ARL15: variants seen among roughly 807,000 people sequenced by gnomAD.
ARL15 encodes the protein ARF like GTPase 15.
ARL15 carries 19 observed loss-of-function variants against 25.2 expected under a neutral mutation model. That is an observed-to-expected ratio of 0.75 (90% confidence interval 0.53 to 1.10). The LOEUF (loss-of-function observed/expected upper bound fraction) is 1.10. Ranked by LOEUF, ARL15 falls within the 50% of genes least tolerant of loss-of-function variation. ARL15 has a pLI of 0.00. For synonymous variants in ARL15, 94 were observed against 86.8 expected, an observed-to-expected ratio of 1.08 and a Z score of -0.46; for missense variants, 220 against 246.0, an observed-to-expected ratio of 0.89 and a Z score of 0.71.
intron 4 of ARL15, among the ~76,000 whole-genome samples, chr5:54,058,639 T>C (rs1750963878): frequency 6.6e-6 from 1 of 152,196 alleles, no homozygotes; most frequent in Non-Finnish European, 1.5e-5. Context: ...AAGGTAAGAT[T>C]ACCCGTGTCA....
At chr5:54,026,133 T>C (rs536907811) in intron 4 of ARL15, among the ~76,000 whole-genome samples, 2 of 152,356 alleles carry the variant, frequency 1.3e-5, no homozygotes, top group Admixed American at 6.5e-5. Flanking sequence ...TTAGACTGAC[T>C]AGCTTGTTTC....
At chr5:54,114,025 A>T (rs1416809685) in intron 3 of ARL15, among the ~76,000 whole-genome samples, 1 of 152,200 alleles carries the variant, frequency 6.6e-6, no homozygotes, top group African/African-American at 2.4e-5. Flanking sequence ...CATGAGGAAA[A>T]ATAACAGACA....
At chr5:54,194,904 T>C (rs1755507720) in intron 1 of ARL15, among the ~76,000 whole-genome samples, 1 of 152,168 alleles carries the variant, frequency 6.6e-6, no homozygotes, top group Non-Finnish European at 1.5e-5. Flanking sequence ...GGACTTCTAG[T>C]CATGCTCCTT....
At position 54,248,792 on chromosome 5, in the gene ARL15, T is replaced by C. The variant is rs1307822552; in HGVS notation, c.48+61640A>G. On this transcript the variant is annotated intron_variant, in intron 1 of 4. Transcript: ENST00000504924. ...GTGCCTGGTGCTAGCTGTGTATATG[T>C]TGAACTAATGAGTATTCAAAGGAAG... Among the ~76,000 whole-genome samples, 3 of 152,304 alleles carry C rather than the reference T, an allele frequency of 2.0e-5. No homozygotes were observed. The East Asian group carries it at 5.8e-4, about 29-fold the overall frequency.
At chr5:54,128,993 G>A (rs191235355) in intron 3 of ARL15, among the ~76,000 whole-genome samples, 21 of 152,088 alleles carry the variant, frequency 1.4e-4, no homozygotes, top group East Asian at 1.4e-3. Context: ...CATGGGCCAC[G>A]GCGCCTGGCC....
At chr5:54,002,620 C>T (rs546434212) in intron 4 of ARL15, among the ~76,000 whole-genome samples, 11 of 152,134 alleles carry the variant, frequency 7.2e-5, no homozygotes, top group East Asian at 1.9e-4. Context: ...GGATTTGGAA[C>T]AAATTTTGGA....
At chr5:53,915,549 A>G (rs1745613098) in intron 4 of ARL15, among the ~76,000 whole-genome samples, 1 of 152,214 alleles carries the variant, frequency 6.6e-6, no homozygotes, top group Admixed American at 6.5e-5. Context: ...CAAGTCTAGC[A>G]TTGAACAGTT....
intron 3 of ARL15, among the ~76,000 whole-genome samples, chr5:54,142,221 C>G (rs780598124): frequency 6.6e-6 from 1 of 152,176 alleles, no homozygotes; most frequent in African/African-American, 2.4e-5. Flanking sequence ...ATTCCAGATC[C>G]TATCTTCTGT....
At chr5:54,113,444 A>G (rs769240043) in intron 3 of ARL15, 34 bp from the exon 4 acceptor site, 11 of 1,595,882 alleles carry the variant, frequency 6.9e-6, no homozygotes, top group African/African-American at 6.8e-5. Context: ...CGTTTTAAAA[A>G]GAGCTTTCAG....
At chr5:54,231,399 A>G (rs1389379030) in intron 1 of ARL15, among the ~76,000 whole-genome samples, 4 of 152,032 alleles carry the variant, frequency 2.6e-5, no homozygotes, top group African/African-American at 9.7e-5. Flanking sequence ...TGTCTCTCTC[A>G]TAACACTCTT....
chr5:54,181,203 T>G (rs947155610), intron 1 of ARL15, among the ~76,000 whole-genome samples: 15 of 152,152 alleles, frequency 9.9e-5, no homozygotes, highest in African/African-American at 3.4e-4. Flanking sequence ...GAAAGAAAAC[T>G]AAGTAAAAAA....
rs150066602 is a variant in ARL15 at position 54,238,725 on chromosome 5, G to T, written c.49-66797C>A. 1.4e-4 allele frequency among the ~76,000 whole-genome samples: 21 copies of T among 152,240 alleles called. No homozygotes were observed. In the East Asian group the frequency reaches 3.5e-3, roughly 25 times the overall value. On this transcript the variant is annotated intron_variant, in intron 1 of 4. Coordinates refer to ENST00000504924, the MANE Select transcript of ARL15 (RefSeq NM_019087.3). ...AAGTGTTTTCCAAATCACTCGCAAA[G>T]GAAACAGATCAGGTTGTTGTAATAA...
chr5:54,180,728 T>C (rs577358250), intron 1 of ARL15, among the ~76,000 whole-genome samples: 1 of 152,348 alleles, frequency 6.6e-6, no homozygotes, highest in Admixed American at 6.5e-5. Context: ...CCTTACCCTT[T>C]GTATTTCTCA....
At chr5:53,951,362 GC>G in intron 4 of ARL15, 1 of 375,026 alleles carries the variant, frequency 2.7e-6, no homozygotes, top group South Asian at 2.1e-5. Flanking sequence ...TCTGAGCTAA[GC>G]TTTTGTAGAA....
At chr5:53,998,283 GAAAAA>G (rs11287179) in intron 4 of ARL15, among the ~76,000 whole-genome samples, 1 of 116,562 alleles carries the variant, frequency 8.6e-6, no homozygotes. Context: ...GGGACATCAG[GAAAAA>G]AAAAAAAAAA....
chr5:54,134,574 T>C (rs1195661677), intron 3 of ARL15, among the ~76,000 whole-genome samples: 10 of 116,740 alleles, frequency 8.6e-5, no homozygotes, highest in African/African-American at 3.4e-4. Flanking sequence ...TTAGCTTTTT[T>C]TTTTTTTTTT....
chr5:53,967,545 T>C (rs1207940752), intron 4 of ARL15, among the ~76,000 whole-genome samples: 1 of 152,204 alleles, frequency 6.6e-6, no homozygotes, highest in East Asian at 1.9e-4. Context: ...GGTGCTGCTA[T>C]TCACTGCCTC....
At chr5:54,064,411 C>A (rs528690016) in intron 4 of ARL15, among the ~76,000 whole-genome samples, 1 of 152,212 alleles carries the variant, frequency 6.6e-6, no homozygotes, top group Admixed American at 6.5e-5. Flanking sequence ...CTAAAGAAGA[C>A]CAAAGAGGAA....
intron 4 of ARL15, among the ~76,000 whole-genome samples, chr5:54,035,772 T>C (rs1020400736): frequency 2.0e-5 from 3 of 152,246 alleles, no homozygotes; most frequent in African/African-American, 7.2e-5. Context: ...AGAGTCATAT[T>C]TGAACTATGT....
Sources: allele counts gnomAD v4.1 joint callset (sites outside exome capture counted in the v4.1 genomes callset), GRCh38; gene constraint gnomAD v4.1.1; transcripts MANE v1.5; gene names NCBI Gene and HGNC (gene_info 2026-07-23, HGNC 2026-07-21).